The following RSRC1 variants were observed in gnomAD, a reference collection of about 807,000 sequenced individuals.
The protein encoded by RSRC1 is arginine and serine rich coiled-coil 1, also known as serine/Arginine-related protein 53.
In RSRC1, 39 loss-of-function variants were observed where a neutral mutation model predicts 49.1. The ratio of observed to expected loss-of-function variants is 0.79; its 90% CI spans 0.61 to 1.04. RSRC1 has a LOEUF of 1.04. RSRC1 is among the 50% of genes least tolerant of loss of function. The pLI is 0.00. For synonymous variants in RSRC1, 143 were observed against 130.8 expected (o/e 1.09, Z -0.63); for missense variants, 388 against 402.4 (o/e 0.96, Z 0.31).
chr3:158,416,814 G>A (rs774151505), intron 6 of RSRC1, among the ~76,000 whole-genome samples: 3 of 151,934 alleles, frequency 2.0e-5, no homozygotes, highest in Non-Finnish European at 4.4e-5. Context: ...CAGTTTTAAG[G>A]AAGTAAATAT....
intron 6 of RSRC1, among the ~76,000 whole-genome samples, chr3:158,446,431 TATC>T (rs149613481): frequency 0.018 from 2,762 of 152,108 alleles, 66 homozygotes; most frequent in African/African-American, 0.06. Context: ...AAGGTCTTGT[TATC>T]ATCAAAACCA....
chr3:158,480,934 T>C (rs1424124906), intron 7 of RSRC1, among the ~76,000 whole-genome samples: 1 of 151,992 alleles, frequency 6.6e-6, no homozygotes. Flanking sequence ...GGAAAGGGAA[T>C]AGTGACTCTT....
intron 4 of RSRC1, among the ~76,000 whole-genome samples, chr3:158,291,349 T>G (rs942762744): frequency 6.6e-6 from 1 of 152,238 alleles, no homozygotes; most frequent in Non-Finnish European, 1.5e-5. Context: ...CAATTAGTTA[T>G]GTGATTTATG....
At chr3:158,452,585 T>C (rs1229547829) in intron 6 of RSRC1, among the ~76,000 whole-genome samples, 1 of 152,222 alleles carries the variant, frequency 6.6e-6, no homozygotes, top group East Asian at 1.9e-4. Flanking sequence ...CACAGCAGTG[T>C]TTGTGAAATG....
At position 158,511,469 on chromosome 3, in the gene RSRC1, T is replaced by G. The variant is rs184363756; in HGVS notation, c.653-25623T>G. Among the ~76,000 whole-genome samples, 749 of 152,350 alleles carry G rather than the reference T, an allele frequency of 4.9e-3. 4 individuals carry two copies. The highest frequency in any genetic ancestry group is 0.014 in the Middle Eastern group (4 of 294). ...ACATGAACTCATCATTTTTTATGGTTGCATAGTATTCCATGGTGTATATGT... is the reference window on the plus strand; with the variant it reads ...ACATGAACTCATCATTTTTTATGGTGGCATAGTATTCCATGGTGTATATGT... On this transcript the variant is annotated intron_variant, in intron 7 of 9. Coordinates refer to ENST00000611884, the MANE Select transcript of RSRC1 (RefSeq NM_001271838.2).
intron 1 of RSRC1, among the ~76,000 whole-genome samples, chr3:158,118,462 TGCGC>T (rs1378375739): frequency 3.2e-5 from 4 of 124,716 alleles, no homozygotes; most frequent in African/African-American, 1.3e-4. Flanking sequence ...TGTGTGTGTG[TGCGC>T]GTGCGCGTGG....
chr3:158,484,089 A>T (rs1374046262), intron 7 of RSRC1, among the ~76,000 whole-genome samples: 1 of 152,016 alleles, frequency 6.6e-6, no homozygotes, highest in Non-Finnish European at 1.5e-5. Flanking sequence ...TTTAAAGTTG[A>T]TTTTTTCCTG....
intron 3 of RSRC1, among the ~76,000 whole-genome samples, chr3:158,162,636 A>T (rs948806256): frequency 6.6e-6 from 1 of 152,192 alleles, no homozygotes; most frequent in Non-Finnish European, 1.5e-5. Context: ...CTTCTAGCTC[A>T]TTTATATGGA....
intron 6 of RSRC1, among the ~76,000 whole-genome samples, chr3:158,446,568 T>C (rs71312241): frequency 2.6e-5 from 4 of 152,042 alleles, no homozygotes; most frequent in Admixed American, 2.6e-4. Flanking sequence ...TTATATATTG[T>C]GTTTCTTATT....
At chr3:158,383,189 C>T (rs1266182794) in intron 6 of RSRC1, among the ~76,000 whole-genome samples, 9 of 152,110 alleles carry the variant, frequency 5.9e-5, no homozygotes, top group African/African-American at 2.2e-4. Flanking sequence ...GTTTTATAAT[C>T]CCAAACTCTG....
At chr3:158,196,267 G>A (rs1315777178) in intron 3 of RSRC1, among the ~76,000 whole-genome samples, 1 of 151,996 alleles carries the variant, frequency 6.6e-6, no homozygotes, top group African/African-American at 2.4e-5. Context: ...AAGCAATTGT[G>A]AATGGGAGTT....
intron 7 of RSRC1, among the ~76,000 whole-genome samples, chr3:158,536,109 TA>T (rs368677843): frequency 2.8e-3 from 421 of 151,572 alleles, no homozygotes; most frequent in African/African-American, 9.9e-3. Flanking sequence ...TGATCAATCT[TA>T]ACCACTAAAA....
At chr3:158,207,877 A>G (rs1721437592) in intron 4 of RSRC1, among the ~76,000 whole-genome samples, 1 of 152,166 alleles carries the variant, frequency 6.6e-6, no homozygotes, top group Admixed American at 6.6e-5. Context: ...ATGCGAGATC[A>G]GATAATTCTG....
intron 4 of RSRC1, among the ~76,000 whole-genome samples, chr3:158,284,639 G>A (rs1274377907): frequency 8.1e-5 from 12 of 148,478 alleles, no homozygotes; most frequent in African/African-American, 3.0e-4. Flanking sequence ...TTCTCTGATG[G>A]CCAGTGATGG....
rs534212567 is a variant in RSRC1 at position 158,355,068 on chromosome 3, T to C, written c.583+160T>C. ...ATGTATGGCCATATATTATCTGAAA[T>C]ATTTATTGCCGCAGTATAATGCTAA... On this transcript the variant is annotated intron_variant, in intron 6 of 9. Coordinates refer to ENST00000611884, the MANE Select transcript of RSRC1 (RefSeq NM_001271838.2). 3.5e-5 allele frequency: 16 copies of C among 462,556 alleles called. No homozygotes were observed. In the East Asian group the frequency reaches 5.7e-4, roughly 17 times the overall value. The allele number at this position is 462,556 out of a possible 1,614,324, so 28.7% of individuals were successfully genotyped here.
chr3:158,254,475 A>C (rs552751238), intron 4 of RSRC1, among the ~76,000 whole-genome samples: 32 of 151,782 alleles, frequency 2.1e-4, no homozygotes, highest in African/African-American at 7.7e-4. Context: ...TCTGTCGCTC[A>C]GGCTGGAGTG....
At chr3:158,315,270 C>A (rs375364593) in intron 5 of RSRC1, among the ~76,000 whole-genome samples, 3 of 152,104 alleles carry the variant, frequency 2.0e-5, no homozygotes, top group African/African-American at 4.8e-5. Flanking sequence ...ATAGCAACAA[C>A]ATTATGAGAT....
intron 6 of RSRC1, among the ~76,000 whole-genome samples, chr3:158,387,655 C>T (rs1733037948): frequency 6.6e-6 from 1 of 152,036 alleles, no homozygotes; most frequent in Non-Finnish European, 1.5e-5. Flanking sequence ...AACTGTAAAT[C>T]CTTACAAGTA....
chr3:158,132,821 T>G (rs1440720923), intron 3 of RSRC1, among the ~76,000 whole-genome samples: 1 of 152,232 alleles, frequency 6.6e-6, no homozygotes, highest in African/African-American at 2.4e-5. Flanking sequence ...TTCATTTATT[T>G]GTAATCCTTC....
Sources: allele counts gnomAD v4.1 joint callset (sites outside exome capture counted in the v4.1 genomes callset), GRCh38; gene constraint gnomAD v4.1.1; transcripts MANE v1.5; gene names NCBI Gene and HGNC (gene_info 2026-07-23, HGNC 2026-07-21).